The following GANC variants were observed in gnomAD, a reference collection of about 807,000 sequenced individuals.
The protein encoded by GANC is glucosidase alpha, neutral C.
Under a neutral mutation model 124.2 loss-of-function variants are expected in GANC, and 117 were observed. The observed-to-expected ratio is 0.94, with a 90% CI of 0.81 to 1.10. GANC has a LOEUF of 1.10. Among genes scored for constraint, GANC ranks in the 50% least tolerant of loss-of-function variants. The pLI is 0.00. For synonymous variants in GANC, 377 were observed against 376.8 expected (o/e 1.00, Z -0.01); for missense variants, 1,140 against 1,095.0 (o/e 1.04, Z -0.58).
Position 42,274,442 on chromosome 15 carries a change from G to C in GANC, c.-40G>C. The C allele has an allele frequency of 6.2e-7, 1 of 1,605,024 alleles. No individual in the cohort carries two copies. On this transcript the variant is annotated 5_prime_UTR_variant, in exon 1 of 24. Coordinates refer to ENST00000318010, the MANE Select transcript of GANC (RefSeq NM_198141.3). ...TTTTAAAAGATCGCCCAGGGCCCTT[G>C]TCCTGAGAGCTGGGAGCTGGTCGGA...
chr15:42,352,138 G>T lies in GANC; in HGVS notation c.2744G>T (p.Ter915LeuextTer24). 6.2e-7 allele frequency: 1 copy of T among 1,614,118 alleles called. No homozygotes were observed. Among genetic ancestry groups the T allele is most frequent in the South Asian group, 1.1e-5 (1 of 91,066 alleles). ...IATDWEVRII[*>L] ...ACTGACTGGGAGGTCCGCATCATAT[G>T]ACAAAGAACTGCCCCTGGTGATGTG... is the stretch of plus-strand genomic sequence containing the variant. Residue 915 changes from the stop codon to leucine (L), a stop_lost, in exon 24 of 24, where the codon TGA becomes TTA. Coordinates refer to ENST00000318010, the MANE Select transcript of GANC (RefSeq NM_198141.3).
At chr15:42,320,208 A>T (rs199828932) in intron 10 of GANC, among the ~76,000 whole-genome samples, 2 of 3,968 alleles carry the variant, frequency 5.0e-4, no homozygotes, top group African/African-American at 5.2e-4. Context: ...AATTAATTTT[A>T]AAAAAAAGTT....
At chr15:42,310,543 G>C (rs2052040777) in intron 9 of GANC, 80 bp downstream of exon 9, 1 of 1,466,174 alleles carries the variant, frequency 6.8e-7, no homozygotes, top group African/African-American at 1.4e-5. Flanking sequence ...TCTTATCTTT[G>C]TATTGGCACT....
intron 15 of GANC, among the ~76,000 whole-genome samples, chr15:42,335,034 A>C (rs1331529758): frequency 6.6e-6 from 1 of 152,184 alleles, no homozygotes; most frequent in African/African-American, 2.4e-5. Flanking sequence ...GTTTTACCAG[A>C]TGTACAAAGG....
At chr15:42,343,019 AAGG>A in intron 18 of GANC, 56 bp from the exon 19 acceptor site, 1 of 1,419,006 alleles carries the variant, frequency 7.0e-7, no homozygotes, top group Non-Finnish European at 9.9e-7. Flanking sequence ...GTTAAAGAGA[AAGG>A]AGATTTTTAG....
Position 42,353,320 on chromosome 15 carries a change from C to T in GANC, c.*1181C>T, listed in dbSNP as rs772064826. ...ACCTCTGTGCCTTCTGATCCCTGGGCGCCAATATCCTCCTGCCCTTACCAT... is the reference window on the plus strand; with the variant it reads ...ACCTCTGTGCCTTCTGATCCCTGGGTGCCAATATCCTCCTGCCCTTACCAT... On this transcript the variant is annotated 3_prime_UTR_variant, in exon 24 of 24. Coordinates refer to ENST00000318010, the MANE Select transcript of GANC (RefSeq NM_198141.3). 162 of 986,142 alleles carry T rather than the reference C, an allele frequency of 1.6e-4. No homozygotes were observed. The highest frequency in any genetic ancestry group is 1.8e-4 in the Non-Finnish European group (153 of 830,224). The allele number at this position is 986,142 out of a possible 1,614,324, so 61.1% of individuals were successfully genotyped here.
chr15:42,327,088 G>A (rs547464857), intron 12 of GANC, among the ~76,000 whole-genome samples: 13 of 151,978 alleles, frequency 8.6e-5, no homozygotes, highest in Non-Finnish European at 1.8e-4. Context: ...ATCCTTCCTT[G>A]GGCTATATTA....
intron 8 of GANC, among the ~76,000 whole-genome samples, chr15:42,309,301 T>C (rs1203142737): frequency 2.0e-5 from 3 of 151,968 alleles, no homozygotes; most frequent in Non-Finnish European, 2.9e-5. Flanking sequence ...TGCTAAGCAC[T>C]GTGGAAGCCT....
At chr15:42,328,908 A>C (rs893105040) in intron 13 of GANC, among the ~76,000 whole-genome samples, 2 of 152,218 alleles carry the variant, frequency 1.3e-5, no homozygotes, top group African/African-American at 4.8e-5. Flanking sequence ...ATGTTCAGCT[A>C]TAGTTGCCCT....
chr15:42,331,950 A>T (rs1348157106), intron 15 of GANC, among the ~76,000 whole-genome samples: 1 of 152,202 alleles, frequency 6.6e-6, no homozygotes, highest in African/African-American at 2.4e-5. Context: ...TTAGATGTAC[A>T]TATTTTCAGG....
chr15:42,295,597 C>A (rs2051882958), intron 5 of GANC, among the ~76,000 whole-genome samples: 1 of 150,422 alleles, frequency 6.6e-6, no homozygotes, highest in Admixed American at 6.6e-5. Flanking sequence ...AGCTTTGATT[C>A]TACTCAGAAA....
In GANC at chr15:42,352,095, C is replaced by T. The variant is rs751539872; in HGVS notation, c.2701C>T (p.Leu901Phe). 3.0e-5 allele frequency: 48 copies of T among 1,614,068 alleles called. No homozygotes were observed. Among genetic ancestry groups the T allele is most frequent in the Middle Eastern group, 1.6e-4 (1 of 6,084 alleles). Residue 901 changes from leucine (L) to phenylalanine (F), a missense_variant, in exon 24 of 24, where the codon CTC (leucine) becomes TTC (phenylalanine). By Grantham distance (22) the Leu-to-Phe change is conservative. Coordinates refer to ENST00000318010, the MANE Select transcript of GANC (RefSeq NM_198141.3). ...AKTSILSLEK[L>F]SLNIATDWEV... ...AACATCCATCCTGAGCCTGGAGAAG[C>T]TCTCACTCAACATTGCCACTGACTG...
At chr15:42,302,277 G>A (rs1282843024) in intron 6 of GANC, among the ~76,000 whole-genome samples, 2 of 152,172 alleles carry the variant, frequency 1.3e-5, no homozygotes, top group African/African-American at 2.4e-5. Flanking sequence ...CTGTTAGAAC[G>A]AAAACTAACA....
chr15:42,343,753 G>A (rs2052344269), intron 19 of GANC, among the ~76,000 whole-genome samples: 1 of 152,184 alleles, frequency 6.6e-6, no homozygotes, highest in Non-Finnish European at 1.5e-5. Context: ...GCGGTCTGCA[G>A]GCAGAGAGCC....
intron 19 of GANC, chr15:42,344,859 G>T (rs370427315): frequency 4.6e-5 from 7 of 152,274 alleles, no homozygotes; most frequent in African/African-American, 1.4e-4. Context: ...CTCCCTTTCC[G>T]ACTTAGTCAC....
chr15:42,279,053 T>C (rs1212865397), intron 3 of GANC, among the ~76,000 whole-genome samples: 4 of 152,222 alleles, frequency 2.6e-5, no homozygotes, highest in Admixed American at 6.5e-5. Context: ...ATACTAATAA[T>C]ATTGTAATAG....
intron 14 of GANC, 49 bp downstream of exon 14, chr15:42,329,498 G>C (rs1330060355): frequency 5.1e-6 from 8 of 1,556,878 alleles, no homozygotes; most frequent in Non-Finnish European, 5.2e-6. Context: ...CCCACCTTTT[G>C]GCTGAAGGTC....
chr15:42,337,975 C>T (rs8041951), intron 15 of GANC, among the ~76,000 whole-genome samples: 15,689 of 151,972 alleles, frequency 0.1, 1,162 homozygotes, highest in Admixed American at 0.19. Flanking sequence ...GCAGGAGACT[C>T]ACTTGAACCC....
intron 2 of GANC, chr15:42,278,043 T>A (rs2051693312): frequency 2.5e-6 from 1 of 398,648 alleles, no homozygotes; most frequent in South Asian, 1.8e-5. Context: ...GCGTATTATG[T>A]TAATTCTGAA....
Sources: gnomAD v4.1 joint callset for allele counts (sites outside exome capture counted in the v4.1 genomes callset) on GRCh38, gnomAD v4.1.1 for gene constraint, MANE v1.5 for transcripts, NCBI Gene and HGNC (gene_info 2026-07-23, HGNC 2026-07-21) for gene names.